ATG5: variants seen among roughly 807,000 people sequenced by gnomAD.
ATG5 encodes the protein autophagy related 5.
In ATG5, 14 loss-of-function variants were observed where a neutral mutation model predicts 36.5. The ratio of observed to expected loss-of-function variants is 0.38; its 90% CI spans 0.25 to 0.60. The LOEUF is 0.60. Among genes scored for constraint, ATG5 ranks in the 20% least tolerant of loss-of-function variants. The pLI is 0.60. For missense variants in ATG5, 195 were observed against 326.7 expected (o/e 0.60, Z 3.11); for synonymous variants, 95 against 101.5 (o/e 0.94, Z 0.38).
chr6:106,251,882 C>A (rs1182254239), intron 5 of ATG5, among the ~76,000 whole-genome samples: 1 of 151,658 alleles, frequency 6.6e-6, no homozygotes, highest in African/African-American at 2.4e-5. Context: ...GCTCTGTCAC[C>A]CCAGCTGGAG....
At position 106,301,302 on chromosome 6, in the gene ATG5, G is replaced by A. The variant is rs543541825; in HGVS notation, c.236+7062C>T. Among the ~76,000 whole-genome samples the A allele has an allele frequency of 2.6e-5, 4 of 152,120 alleles. No homozygotes were observed. The South Asian group carries it at 8.3e-4, about 32-fold the overall frequency. On this transcript the variant is annotated intron_variant, in intron 3 of 7. Transcript: ENST00000369076. The stretch of plus-strand genomic sequence containing the variant: ...TCTCTACAAATCGACAACAACAAAT[G>A]TATTGAGTATTCATTATAAGTATAC...
In ATG5 at chr6:106,316,235, C is replaced by A; in HGVS notation, c.-27G>T. 6.3e-7 allele frequency: 1 copy of A among 1,577,942 alleles called. No individual in the cohort carries two copies. The highest frequency in any genetic ancestry group is 8.7e-7 in the Non-Finnish European group (1 of 1,148,744). ...CTTCCAGGAGTTAAAGCAGTACATACAGGCTAAATTCTTATTTCAACCAAA... is the reference window on the plus strand; with the variant it reads ...CTTCCAGGAGTTAAAGCAGTACATAAAGGCTAAATTCTTATTTCAACCAAA... On this transcript the variant is annotated 5_prime_UTR_variant, in exon 2 of 8. Transcript: ENST00000369076.
intron 3 of ATG5, among the ~76,000 whole-genome samples, chr6:106,300,471 A>G (rs1326578411): frequency 6.6e-6 from 1 of 152,186 alleles, no homozygotes; most frequent in Admixed American, 6.5e-5. Context: ...TATCATGTCT[A>G]TGTTTAAGAT....
At chr6:106,245,271 T>C (rs140368233) in intron 6 of ATG5, among the ~76,000 whole-genome samples, 49 of 152,284 alleles carry the variant, frequency 3.2e-4, no homozygotes, top group East Asian at 9.6e-4. Flanking sequence ...GAAAAATAAA[T>C]AGTTTGATGA....
chr6:106,295,708 C>A (rs1236533074), intron 3 of ATG5, among the ~76,000 whole-genome samples: 1 of 152,030 alleles, frequency 6.6e-6, no homozygotes, highest in Non-Finnish European at 1.5e-5. Context: ...GGACTACAGA[C>A]ATGTGCCACT....
At chr6:106,219,674 C>T (rs1057350179) in intron 6 of ATG5, among the ~76,000 whole-genome samples, 1 of 152,042 alleles carries the variant, frequency 6.6e-6, no homozygotes, top group Non-Finnish European at 1.5e-5. Flanking sequence ...ATTTGGTAAC[C>T]CAGGGAGGTC....
intron 4 of ATG5, among the ~76,000 whole-genome samples, chr6:106,285,946 A>ATCTC: frequency 6.6e-6 from 1 of 152,354 alleles, no homozygotes; most frequent in East Asian, 1.9e-4. Context: ...CCTTTCTGGC[A>ATCTC]TCTCAAGTAA....
Position 106,219,021 on chromosome 6 carries a change from A to G in ATG5, c.574-16932T>C, listed in dbSNP as rs374264661. Among the ~76,000 whole-genome samples, 10 of 152,156 alleles carry G rather than the reference A, an allele frequency of 6.6e-5. No individual in the cohort carries two copies. In the East Asian group the frequency reaches 9.6e-4, roughly 15 times the overall value. ...ATGTAAAGAAAAAAAGGAAGAAGGA[A>G]AGAAAAGAGAAAAGGAGGAAAGAAC... On this transcript the variant is annotated intron_variant, in intron 6 of 7. Transcript: ENST00000369076.
rs1052204932 is a variant in ATG5, at chr6:106,305,731, G to A, written c.236+2633C>T. Among the ~76,000 whole-genome samples, 89 of 152,356 alleles carry A rather than the reference G, an allele frequency of 5.8e-4. 2 individuals carry two copies. Among genetic ancestry groups the A allele is most frequent in the Non-Finnish European group, 9.6e-4 (65 of 68,036 alleles). Reference sequence around the variant, plus strand: ...CAAGTCTTCCAACACTTCAGTGGTAGCTGCTTTCCTCCACTGATGGAAATT... The same window carrying A: ...CAAGTCTTCCAACACTTCAGTGGTAACTGCTTTCCTCCACTGATGGAAATT... On this transcript the variant is annotated intron_variant, in intron 3 of 7. Coordinates refer to ENST00000369076, the MANE Select transcript of ATG5 (RefSeq NM_004849.4).
chr6:106,276,705 A>G (rs1779671042), intron 5 of ATG5, among the ~76,000 whole-genome samples: 1 of 152,168 alleles, frequency 6.6e-6, no homozygotes, highest in South Asian at 2.1e-4. Context: ...CACCTACTTA[A>G]CTGTCTAATT....
At chr6:106,250,550 C>CT (rs1390134165) in intron 5 of ATG5, among the ~76,000 whole-genome samples, 1 of 152,210 alleles carries the variant, frequency 6.6e-6, no homozygotes, top group African/African-American at 2.4e-5. Flanking sequence ...AAGAATACTA[C>CT]TTTGACATAG....
intron 6 of ATG5, among the ~76,000 whole-genome samples, chr6:106,216,024 G>A (rs933371012): frequency 6.6e-6 from 1 of 152,132 alleles, no homozygotes; most frequent in African/African-American, 2.4e-5. Context: ...TGGTCATTAG[G>A]AAAGAGCAAA....
chr6:106,246,392 TCACACACACACACACACACA>T (rs72252671), intron 6 of ATG5, among the ~76,000 whole-genome samples: 12 of 129,570 alleles, frequency 9.3e-5, no homozygotes, highest in South Asian at 2.5e-4. Context: ...TCTCTCTCTC[TCACACACACACACACACACA>T]CACACACACA....
intron 7 of ATG5, among the ~76,000 whole-genome samples, chr6:106,189,318 A>C (rs528185158): frequency 4.1e-4 from 62 of 152,278 alleles, no homozygotes; most frequent in Non-Finnish European, 5.1e-4. Context: ...CAATAAAAGA[A>C]AACAGGCCAG....
intron 1 of ATG5, among the ~76,000 whole-genome samples, chr6:106,323,270 T>TTC (rs1181643355): frequency 7.0e-6 from 1 of 141,992 alleles, no homozygotes; most frequent in Non-Finnish European, 1.5e-5. Flanking sequence ...CTTTTTTTTT[T>TTC]TTTTTTTTTT....
chr6:106,263,725 T>A (rs2114558678), intron 5 of ATG5, among the ~76,000 whole-genome samples: 1 of 151,770 alleles, frequency 6.6e-6, no homozygotes, highest in South Asian at 2.1e-4. Context: ...GGGTCTAGAG[T>A]GGACTTCCAG....
intron 5 of ATG5, among the ~76,000 whole-genome samples, chr6:106,251,539 G>GTAT (rs1371166912): frequency 2.6e-4 from 38 of 145,090 alleles, no homozygotes; most frequent in Non-Finnish European, 1.2e-4. Flanking sequence ...AAAAAAATCT[G>GTAT]TATTAATTGA....
chr6:106,260,588 A>AT (rs545171433), intron 5 of ATG5, among the ~76,000 whole-genome samples: 23 of 152,192 alleles, frequency 1.5e-4, no homozygotes, highest in Non-Finnish European at 2.9e-4. Flanking sequence ...TAAGTTGCTT[A>AT]TTTTTTCCAG....
intron 1 of ATG5, among the ~76,000 whole-genome samples, chr6:106,323,826 A>G (rs922919433): frequency 1.3e-5 from 2 of 152,218 alleles, no homozygotes; most frequent in African/African-American, 4.8e-5. Context: ...TTCAAAGTAC[A>G]AATTAAGGTT....
Sources: gnomAD v4.1 joint callset for allele counts (sites outside exome capture counted in the v4.1 genomes callset) on GRCh38, gnomAD v4.1.1 for gene constraint, MANE v1.5 for transcripts, NCBI Gene and HGNC (gene_info 2026-07-23, HGNC 2026-07-21) for gene names.